Variants in AGBL1 observed in about 807,000 individuals in gnomAD.
AGBL1 encodes the protein cytosolic carboxypeptidase 4.
A neutral mutation model predicts 118.9 loss-of-function variants in AGBL1; 130 were observed. The ratio of observed to expected loss-of-function variants is 1.09; its 90% CI spans 0.95 to 1.26. The LOEUF is 1.26. AGBL1 is among the 50% of genes most tolerant of loss of function. The pLI is 0.00. For synonymous variants in AGBL1, 555 were observed against 478.9 expected (o/e 1.16, Z -2.08); for missense variants, 1,584 against 1,298.1 (o/e 1.22, Z -3.38).
chr15:86,588,796 A>G (rs1489375187), intron 21 of AGBL1, among the ~76,000 whole-genome samples: 1 of 152,136 alleles, frequency 6.6e-6, no homozygotes, highest in Non-Finnish European at 1.5e-5. Flanking sequence ...AGAAACCCAT[A>G]TTTATTGATA....
chr15:86,743,960 A>G (rs1415138860), intron 22 of AGBL1, among the ~76,000 whole-genome samples: 1 of 152,162 alleles, frequency 6.6e-6, no homozygotes, highest in East Asian at 1.9e-4. Context: ...AAGATAACTT[A>G]GAAGTAAAAT....
intron 22 of AGBL1, among the ~76,000 whole-genome samples, chr15:86,829,254 G>C (rs576672692): frequency 6.6e-6 from 1 of 152,218 alleles, no homozygotes; most frequent in East Asian, 1.9e-4. Context: ...CTCTTAGTGG[G>C]CTTCTTAGAA....
rs112645686 is a variant in AGBL1 at position 86,577,262 on chromosome 15, G to A, written c.2994+22725G>A. ...CAAAAGTGACTCTTGTTATGTTTTA[G>A]CGAAGAGACTGGTGGCATTTTTCCC... On this transcript the variant is annotated intron_variant, in intron 21 of 22. Transcript: ENST00000614907. 6.8e-3 allele frequency among the ~76,000 whole-genome samples: 1,028 copies of A among 152,284 alleles called. 7 individuals are homozygous for A. The highest frequency in any genetic ancestry group is 0.011 in the Non-Finnish European group (766 of 68,026).
intron 18 of AGBL1, among the ~76,000 whole-genome samples, chr15:86,412,254 T>C (rs2081631404): frequency 6.6e-6 from 1 of 152,238 alleles, no homozygotes; most frequent in Admixed American, 6.5e-5. Context: ...TAGAATACAC[T>C]GGTGCTGACC....
rs192022341 is a variant in AGBL1, at chr15:86,338,323, T to C, written c.2374+42915T>C. ...TAATCAGGGAGGTCAGGTGGCTGAATGGGGAGAACAAGGTGGAGAGGCAGA... is the reference window on the plus strand; with the variant it reads ...TAATCAGGGAGGTCAGGTGGCTGAACGGGGAGAACAAGGTGGAGAGGCAGA... On this transcript the variant is annotated intron_variant, in intron 17 of 22. Transcript: ENST00000614907. Among the ~76,000 whole-genome samples the C allele has an allele frequency of 4.0e-5, 6 of 151,722 alleles. No individual in the cohort carries two copies. In the East Asian group the frequency reaches 1.2e-3, roughly 29 times the overall value.
intron 18 of AGBL1, among the ~76,000 whole-genome samples, chr15:86,507,810 G>A (rs982970040): frequency 6.6e-6 from 1 of 151,974 alleles, no homozygotes; most frequent in South Asian, 2.1e-4. Context: ...AGTTATACTT[G>A]GTTTCTGTAT....
At chr15:86,194,214 A>G (rs571537337) in intron 5 of AGBL1, among the ~76,000 whole-genome samples, 1 of 152,196 alleles carries the variant, frequency 6.6e-6, no homozygotes, top group South Asian at 2.1e-4. Context: ...GCTGCTCTAT[A>G]ATTAGATTTT....
chr15:87,019,912 T>C (rs1052066203), intron 24 of AGBL1, among the ~76,000 whole-genome samples: 2 of 151,316 alleles, frequency 1.3e-5, no homozygotes, highest in East Asian at 3.9e-4. Flanking sequence ...AAGAAACAAG[T>C]CAGAAATGAT....
chr15:86,247,652 C>T lies in AGBL1; in HGVS notation c.527-19C>T, dbSNP rs762537800. Reference sequence around the variant, plus strand: ...TGTGGAGAGCCTGTGACTGACCCTGCCTTTCCCTTTGTTTTCAGAGTCGAA... The same window carrying T: ...TGTGGAGAGCCTGTGACTGACCCTGTCTTTCCCTTTGTTTTCAGAGTCGAA... On this transcript the variant is annotated intron_variant, in intron 6 of 22. Transcript: ENST00000614907. The T allele has an allele frequency of 7.0e-6, 11 of 1,579,708 alleles. No individual in the cohort carries two copies. The East Asian group carries it at 9.3e-5, about 13-fold the overall frequency.
chr15:86,111,291 G>C (rs1437720116), intron 1 of AGBL1, among the ~76,000 whole-genome samples: 1 of 152,212 alleles, frequency 6.6e-6, no homozygotes, highest in African/African-American at 2.4e-5. Context: ...AGTTCTGCTT[G>C]GGCAGTATGT....
intron 1 of AGBL1, among the ~76,000 whole-genome samples, chr15:86,135,019 TGGG>T (rs2076870561): frequency 6.6e-6 from 1 of 152,094 alleles, no homozygotes; most frequent in African/African-American, 2.4e-5. Context: ...ATGTTGGAGT[TGGG>T]GCCTAATGGG....
chr15:86,462,666 T>G (rs575705412), intron 18 of AGBL1, among the ~76,000 whole-genome samples: 1 of 152,246 alleles, frequency 6.6e-6, no homozygotes, highest in Admixed American at 6.5e-5. Context: ...CTCCTACTTA[T>G]CAGTGAGAAC....
At chr15:86,258,238 G>A (rs1193934017) in intron 9 of AGBL1, among the ~76,000 whole-genome samples, 2 of 152,194 alleles carry the variant, frequency 1.3e-5, no homozygotes, top group African/African-American at 4.8e-5. Flanking sequence ...CCGGTACAAT[G>A]TCTCATTATA....
chr15:86,380,544 C>CTTTCCTTCTTCCTCCCTCCCT lies in AGBL1; in HGVS notation c.2375-16820_2375-16819insTCCTTCTTCCTCCCTCCCTTT, dbSNP rs71468177. On this transcript the variant is annotated intron_variant, in intron 17 of 22. Coordinates refer to ENST00000614907, the MANE Select transcript of AGBL1 (RefSeq NM_001386094.1). ...TTCTCCTCCGTCCCTTCCTCGCTTC[C>CTTTCCTTCTTCCTCCCTCCCT]TTCCTTCTTCCTCCGTCCCTTTCCC... is the stretch of plus-strand genomic sequence containing the variant. 1.3e-3 allele frequency among the ~76,000 whole-genome samples: 187 copies of CTTTCCTTCTTCCTCCCTCCCT among 146,940 alleles called. 1 individual carries two copies. In the Middle Eastern group the frequency reaches 0.018, roughly 14 times the overall value.
chr15:86,700,063 T>G (rs1288146880), intron 22 of AGBL1, among the ~76,000 whole-genome samples: 1 of 152,076 alleles, frequency 6.6e-6, no homozygotes, highest in Non-Finnish European at 1.5e-5. Flanking sequence ...CATTTCATTA[T>G]GTATTTATTT....
At chr15:86,707,681 A>G (rs1214619285) in intron 22 of AGBL1, among the ~76,000 whole-genome samples, 4 of 152,112 alleles carry the variant, frequency 2.6e-5, no homozygotes, top group East Asian at 1.9e-4. Flanking sequence ...TTTTTTCTGG[A>G]CTTTCTTTAT....
At chr15:86,526,240 AGGGAATGCTTATACACTACCAAT>A (rs1419712311) in intron 19 of AGBL1, among the ~76,000 whole-genome samples, 2 of 152,072 alleles carry the variant, frequency 1.3e-5, no homozygotes, top group Non-Finnish European at 2.9e-5. Flanking sequence ...TGCAGTCAAA[AGGGAATGCTTATACACTACCAAT>A]GGGAATGTAT....
chr15:86,375,026 C>T (rs2081022260), intron 17 of AGBL1, among the ~76,000 whole-genome samples: 1 of 152,040 alleles, frequency 6.6e-6, no homozygotes, highest in South Asian at 2.1e-4. Context: ...TCTTGGTTTC[C>T]CTTTGTGGAA....
At position 86,726,611 on chromosome 15, in the gene AGBL1, G is replaced by T. The variant is rs956153195; in HGVS notation, c.3158+52175G>T. Among the ~76,000 whole-genome samples, 4 of 152,156 alleles carry T rather than the reference G, an allele frequency of 2.6e-5. No homozygotes were observed. The East Asian group carries it at 7.7e-4, about 29-fold the overall frequency. On this transcript the variant is annotated intron_variant, in intron 22 of 22. Transcript: ENST00000614907. ...GGTTCCTGCCTTGTCACCCAAGGTG[G>T]AGTGCAGTGGTACAGTCACTACTTA...
Sources: gnomAD v4.1 joint callset for allele counts (sites outside exome capture counted in the v4.1 genomes callset) on GRCh38, gnomAD v4.1.1 for gene constraint, MANE v1.5 for transcripts, NCBI Gene and HGNC (gene_info 2026-07-23, HGNC 2026-07-21) for gene names.